Variants in XKR6 observed in about 807,000 individuals in gnomAD.
XKR6 encodes the protein XK related 6, also known as XK-related protein 6.
In XKR6, 22 loss-of-function variants were observed where a neutral mutation model predicts 56.7. That is an observed-to-expected ratio of 0.39 (90% confidence interval 0.28 to 0.55). The LOEUF (loss-of-function observed/expected upper bound fraction) is 0.55, where lower values mean the gene tolerates loss of function less well. Among genes scored for constraint, XKR6 ranks in the 20% least tolerant of loss-of-function variants. The probability of loss-of-function intolerance (pLI) is 0.66; values close to 1 mark genes in which losing one functional copy is unlikely to be tolerated. For missense variants in XKR6, 852 were observed against 889.0 expected (o/e 0.96, Z 0.53); for synonymous variants, 524 against 387.8 (o/e 1.35, Z -4.13).
At chr8:11,152,834 T>A (rs914413829) in intron 1 of XKR6, among the ~76,000 whole-genome samples, 1 of 152,196 alleles carries the variant, frequency 6.6e-6, no homozygotes, top group East Asian at 1.9e-4. Context: ...AAATTCTGAA[T>A]GATGAGAAGT....
intron 1 of XKR6, among the ~76,000 whole-genome samples, chr8:10,953,150 A>C (rs1186537856): frequency 2.0e-5 from 3 of 152,194 alleles, no homozygotes; most frequent in African/African-American, 7.2e-5. Flanking sequence ...AGTAGAAATA[A>C]AGTGTACAAT....
At chr8:11,159,416 T>G (rs1586631478) in intron 1 of XKR6, among the ~76,000 whole-genome samples, 1 of 152,320 alleles carries the variant, frequency 6.6e-6, no homozygotes, top group East Asian at 1.9e-4. Flanking sequence ...AATACTGACC[T>G]AGATCGCGAG....
In XKR6 at chr8:11,201,175, G is replaced by A. The variant is rs1804208705; in HGVS notation, c.165C>T (p.His55=). 3.3e-6 allele frequency: 5 copies of A among 1,527,148 alleles called. No individual in the cohort carries two copies. Among genetic ancestry groups the A allele is most frequent in the South Asian group, 2.4e-5 (2 of 83,608 alleles). 94.6% of individuals were successfully genotyped at this position (1,527,148 alleles called of 1,614,324 possible). The part of the protein sequence containing the change: ...GSEPGESSSM[H]ICHCCNTSSC... ...AGGAGGTGTTGCAGCAGTGGCAGAT[G>A]TGCATCGAGCTGCTCTCGCCGGGCT... The change falls in exon 1 of 3, where the codon CAC becomes CAT. Residue 55 remains histidine, a synonymous_variant. Transcript: ENST00000416569.
At chr8:10,941,444 C>A (rs535919812) in intron 1 of XKR6, among the ~76,000 whole-genome samples, 1 of 152,334 alleles carries the variant, frequency 6.6e-6, no homozygotes, top group East Asian at 1.9e-4. Context: ...CTGATGGCAT[C>A]CAGCTGGGTC....
intron 1 of XKR6, among the ~76,000 whole-genome samples, chr8:11,044,472 C>G (rs935658035): frequency 6.6e-6 from 1 of 152,178 alleles, no homozygotes; most frequent in African/African-American, 2.4e-5. Context: ...GCTCTCCTTT[C>G]TAAATTCATC....
chr8:10,915,901 G>C (rs1490861560), intron 2 of XKR6, among the ~76,000 whole-genome samples: 3 of 152,236 alleles, frequency 2.0e-5, no homozygotes, highest in Non-Finnish European at 2.9e-5. Context: ...ATGCGAGCCA[G>C]CCAGAGAACG....
Position 11,165,912 on chromosome 8 carries a change from C to G in XKR6, c.764+34664G>C, listed in dbSNP as rs546871419. Among the ~76,000 whole-genome samples, 223 of 151,416 alleles carry G rather than the reference C, an allele frequency of 1.5e-3. 1 individual carries two copies. Among genetic ancestry groups the G allele is most frequent in the African/African-American group, 5.1e-3 (209 of 41,270 alleles). On this transcript the variant is annotated intron_variant, in intron 1 of 2. Transcript: ENST00000416569. ...CTGAAAAAGCCACGTGCAATGACCA[C>G]TGTTTGATGGATACATTCATGTATA...
chr8:10,948,943 G>A (rs187835860), intron 1 of XKR6, among the ~76,000 whole-genome samples: 5 of 152,274 alleles, frequency 3.3e-5, no homozygotes, highest in South Asian at 2.1e-4. Flanking sequence ...TCAGGTGATC[G>A]TCAATTCCCA....
rs1799930551 is a variant in XKR6, at chr8:10,897,918, T to G, written c.*34A>C. The G allele has an allele frequency of 1.3e-6, 2 of 1,525,730 alleles. No homozygotes were observed. The highest frequency in any genetic ancestry group is 1.8e-6 in the Non-Finnish European group (2 of 1,137,268). 94.5% of individuals were successfully genotyped at this position (1,525,730 alleles called of 1,614,324 possible). On this transcript the variant is annotated 3_prime_UTR_variant, in exon 3 of 3. Coordinates refer to ENST00000416569, the MANE Select transcript of XKR6 (RefSeq NM_173683.4). The stretch of plus-strand genomic sequence containing the variant: ...AAGTGCTGTTTGCCGCAAACCAAAC[T>G]TAAGGTCCCCTTCTCAACTTGGTCA...
chr8:10,951,308 G>T (rs148532231), intron 1 of XKR6, among the ~76,000 whole-genome samples: 25,312 of 147,060 alleles, frequency 0.17, 2,516 homozygotes, highest in Middle Eastern at 0.25. Context: ...TGGGGGGGGG[G>T]GGCCCCCACA....
chr8:11,174,231 C>T (rs887751478), intron 1 of XKR6, among the ~76,000 whole-genome samples: 4 of 152,232 alleles, frequency 2.6e-5, no homozygotes, highest in African/African-American at 7.2e-5. Context: ...ATTAGGAACA[C>T]ACGTGGAGAT....
intron 1 of XKR6, among the ~76,000 whole-genome samples, chr8:11,117,769 T>C (rs529681971): frequency 9.9e-5 from 15 of 151,836 alleles, no homozygotes; most frequent in South Asian, 8.3e-4. Context: ...TGAGAAAAAA[T>C]TCTAGTAAAT....
chr8:11,037,402 T>G (rs1345119604), intron 1 of XKR6, among the ~76,000 whole-genome samples: 1 of 152,172 alleles, frequency 6.6e-6, no homozygotes, highest in African/African-American at 2.4e-5. Flanking sequence ...ATCTTTGTAT[T>G]TTTGTAGAGA....
At chr8:10,946,898 C>G (rs2129125703) in intron 1 of XKR6, among the ~76,000 whole-genome samples, 1 of 152,220 alleles carries the variant, frequency 6.6e-6, no homozygotes, top group African/African-American at 2.4e-5. Context: ...GAGAGTTCAC[C>G]AAGCAGCTAA....
intron 1 of XKR6, among the ~76,000 whole-genome samples, chr8:11,086,241 G>A (rs1797887172): frequency 6.6e-6 from 1 of 151,780 alleles, no homozygotes; most frequent in Non-Finnish European, 1.5e-5. Flanking sequence ...TTGCTTAAAT[G>A]TAAATTAGTT....
At chr8:11,013,360 C>T (rs1220136604) in intron 1 of XKR6, among the ~76,000 whole-genome samples, 1 of 152,142 alleles carries the variant, frequency 6.6e-6, no homozygotes, top group Non-Finnish European at 1.5e-5. Context: ...TTTAGCCCAT[C>T]ACAAAGTGAG....
chr8:11,180,342 T>C (rs1028542253), intron 1 of XKR6, among the ~76,000 whole-genome samples: 1 of 152,108 alleles, frequency 6.6e-6, no homozygotes, highest in African/African-American at 2.4e-5. Context: ...TTCTTAACCA[T>C]GGCACAAGGA....
chr8:10,954,866 C>CTCTT (rs1563309729), intron 1 of XKR6, among the ~76,000 whole-genome samples: 32 of 92,798 alleles, frequency 3.4e-4, no homozygotes, highest in Non-Finnish European at 5.4e-4. Context: ...ACTTCATTCT[C>CTCTT]TTTTTTTTTT....
At chr8:11,126,583 A>C (rs921216736) in intron 1 of XKR6, among the ~76,000 whole-genome samples, 2 of 152,198 alleles carry the variant, frequency 1.3e-5, no homozygotes, top group African/African-American at 2.4e-5. Flanking sequence ...ATGTCACTTA[A>C]GGAAAACACC....
Sources: gnomAD v4.1 joint callset for allele counts (sites outside exome capture counted in the v4.1 genomes callset) on GRCh38, gnomAD v4.1.1 for gene constraint, MANE v1.5 for transcripts, NCBI Gene and HGNC (gene_info 2026-07-23, HGNC 2026-07-21) for gene names.